DAB2IP: variants seen among roughly 807,000 people sequenced by gnomAD.
DAB2IP encodes DAB2 interacting protein.
Under a neutral mutation model 107.2 loss-of-function variants are expected in DAB2IP, and 28 were observed. That is an observed-to-expected ratio of 0.26 (90% CI 0.19 to 0.36). The LOEUF (loss-of-function observed/expected upper bound fraction) is 0.36. Ranked by LOEUF, DAB2IP falls within the 10% of genes least tolerant of loss-of-function variation. The probability of loss-of-function intolerance (pLI) is 1.00; values close to 1 mark genes in which losing one functional copy is unlikely to be tolerated. For synonymous variants in DAB2IP, 755 were observed against 706.4 expected (o/e 1.07, Z -1.09); for missense variants, 1,400 against 1,644.7 (o/e 0.85, Z 2.57).
intron 5 of DAB2IP, 126 bp downstream of exon 5, chr9:121,759,122 G>A: frequency 1.1e-6 from 1 of 897,858 alleles, no homozygotes; most frequent in Non-Finnish European, 1.8e-6. Flanking sequence ...TGGAGGCAGG[G>A]CCCGAGTGGA....
chr9:121,691,242 G>T (rs1182682622), intron 2 of DAB2IP, among the ~76,000 whole-genome samples: 1 of 152,198 alleles, frequency 6.6e-6, no homozygotes, highest in African/African-American at 2.4e-5. Context: ...GTCCAGTATG[G>T]GGTGGGGGAG....
chr9:121,747,360 TCC>T (rs796951355), intron 3 of DAB2IP, among the ~76,000 whole-genome samples: 2,860 of 148,776 alleles, frequency 0.019, 123 homozygotes, highest in African/African-American at 0.068. Context: ...TTTTTTTTTT[TCC>T]CCTGAGACAG....
intron 2 of DAB2IP, among the ~76,000 whole-genome samples, chr9:121,681,589 G>A (rs1206863035): frequency 6.6e-6 from 1 of 152,128 alleles, no homozygotes; most frequent in Non-Finnish European, 1.5e-5. Flanking sequence ...CACCATTAGT[G>A]TGCCCATTTC....
At chr9:121,658,697 A>G (rs1833071631) in intron 1 of DAB2IP, among the ~76,000 whole-genome samples, 1 of 152,222 alleles carries the variant, frequency 6.6e-6, no homozygotes, top group South Asian at 2.1e-4. Flanking sequence ...CTCGATACTC[A>G]GCAAAGACAG....
chr9:121,747,534 A>AGAT (rs1206166402), intron 3 of DAB2IP, among the ~76,000 whole-genome samples: 1 of 151,966 alleles, frequency 6.6e-6, no homozygotes, highest in Admixed American at 6.6e-5. Flanking sequence ...TTTTTGGTAG[A>AGAT]GATGGGGTTT....
At chr9:121,660,954 G>A (rs1277158174) in intron 1 of DAB2IP, among the ~76,000 whole-genome samples, 1 of 152,146 alleles carries the variant, frequency 6.6e-6, no homozygotes, top group African/African-American at 2.4e-5. Context: ...AGGATGGTAG[G>A]CTGACACCCA....
Position 121,760,332 on chromosome 9 carries a change from C to T in DAB2IP, c.1063C>T (p.His355Tyr), listed in dbSNP as rs1157957182. 2 of 1,613,328 alleles carry T rather than the reference C, an allele frequency of 1.2e-6. No homozygotes were observed. Among genetic ancestry groups the T allele is most frequent in the Admixed American group, 3.3e-5 (2 of 60,002 alleles). The change falls in exon 6 of 16, where the codon CAC becomes TAC. Residue 355 changes from histidine (H) to tyrosine (Y), a missense_variant. Coordinates refer to ENST00000408936, the Ensembl canonical transcript of DAB2IP. The surrounding 1 kb of genome is among the most constrained non-coding windows in gnomAD (Gnocchi z 5.9). ...AGAGTTCGCTGAGCACATCACCAACCACTACCTGGGGCTGTGTGCAGCCCT... is the reference window on the plus strand; with the variant it reads ...AGAGTTCGCTGAGCACATCACCAACTACTACCTGGGGCTGTGTGCAGCCCT...
Position 121,586,338 on chromosome 9 carries a change from C to T in DAB2IP, c.40+19110C>T, listed in dbSNP as rs116532218. On this transcript the variant is annotated intron_variant, in intron 1 of 16. Coordinates refer to the DAB2IP transcript ENST00000259371. ...CGAAAATCACAGGCTCATCGAATCACTTCTCTATAGCGTTGCAGTTGGGTA... is the reference window on the plus strand; with the variant it reads ...CGAAAATCACAGGCTCATCGAATCATTTCTCTATAGCGTTGCAGTTGGGTA... Among the ~76,000 whole-genome samples the T allele has an allele frequency of 5.8e-3, 887 of 152,318 alleles. 10 individuals are homozygous for T. The highest frequency in any genetic ancestry group is 0.02 in the African/African-American group (851 of 41,548).
intron 1 of DAB2IP, among the ~76,000 whole-genome samples, chr9:121,601,821 C>G (rs754779715): frequency 1.3e-5 from 2 of 152,198 alleles, no homozygotes; most frequent in Non-Finnish European, 2.9e-5. Flanking sequence ...GTGCACCAAA[C>G]TCAGCATCTG....
chr9:121,652,967 C>T (rs978398243), intron 1 of DAB2IP, among the ~76,000 whole-genome samples: 1 of 152,082 alleles, frequency 6.6e-6, no homozygotes, highest in African/African-American at 2.4e-5. Context: ...CCAGGGCTTC[C>T]TCAGGAAGTA....
chr9:121,769,701 G>A (rs913663312), intron 10 of DAB2IP, among the ~76,000 whole-genome samples: 2 of 152,204 alleles, frequency 1.3e-5, no homozygotes, highest in Admixed American at 6.5e-5. Context: ...AATGAGGGCT[G>A]AGACCCTACA....
intron 1 of DAB2IP, among the ~76,000 whole-genome samples, chr9:121,584,118 C>T (rs971156369): frequency 6.6e-5 from 10 of 152,254 alleles, no homozygotes; most frequent in African/African-American, 2.2e-4. Context: ...GTGGAGGTTG[C>T]AGTGAGTTGA....
At chr9:121,609,886 C>A (rs28429446) in intron 1 of DAB2IP, among the ~76,000 whole-genome samples, 2,164 of 152,312 alleles carry the variant, frequency 0.014, 70 homozygotes, top group African/African-American at 0.048. Flanking sequence ...AGTTTTGCAG[C>A]CTTGGCTCCT....
chr9:121,658,762 G>A (rs1466788339), intron 1 of DAB2IP, among the ~76,000 whole-genome samples: 7 of 152,186 alleles, frequency 4.6e-5, no homozygotes, highest in East Asian at 3.9e-4. Flanking sequence ...AAGCACCACC[G>A]AGGACGCCCA....
At chr9:121,682,981 A>G (rs960481290) in intron 2 of DAB2IP, among the ~76,000 whole-genome samples, 6 of 152,130 alleles carry the variant, frequency 3.9e-5, no homozygotes, top group Non-Finnish European at 8.8e-5. Flanking sequence ...GCCTGGGAGT[A>G]GATGACCAGA....
chr9:121,600,906 A>G (rs775909675), intron 1 of DAB2IP, among the ~76,000 whole-genome samples: 4 of 152,166 alleles, frequency 2.6e-5, no homozygotes, highest in African/African-American at 7.2e-5. Context: ...CAGCCGATCT[A>G]TACCCTGGAG....
chr9:121,617,852 C>A (rs12004049), intron 1 of DAB2IP, among the ~76,000 whole-genome samples: 2 of 152,136 alleles, frequency 1.3e-5, no homozygotes, highest in Non-Finnish European at 1.5e-5. Flanking sequence ...AGTGGAAGAG[C>A]GGGGTGCGTA....
intron 1 of DAB2IP, among the ~76,000 whole-genome samples, chr9:121,601,695 A>G (rs1830687648): frequency 6.6e-6 from 1 of 152,134 alleles, no homozygotes; most frequent in Non-Finnish European, 1.5e-5. Flanking sequence ...TGCACCCATA[A>G]AACAAACCCA....
intron 10 of DAB2IP, 123 bp downstream of exon 10, chr9:121,768,756 T>G: frequency 8.3e-7 from 1 of 1,202,380 alleles, no homozygotes; most frequent in East Asian, 2.5e-5. Context: ...GGCCAGGTCC[T>G]GTCAGAACAC....
Sources: gnomAD v4.1 joint callset for allele counts (sites outside exome capture counted in the v4.1 genomes callset) on GRCh38, gnomAD v4.1.1 for gene constraint, Gnocchi (gnomAD v3.1) non-coding constraint, MANE v1.5 for transcripts, NCBI Gene and HGNC (gene_info 2026-07-23, HGNC 2026-07-21) for gene names.